The following NTM variants were observed in gnomAD, a reference collection of about 807,000 sequenced individuals.
NTM encodes neurotrimin.
NTM carries 13 observed loss-of-function variants against 42.1 expected under a neutral mutation model. The observed-to-expected ratio is 0.31, with a 90% CI of 0.20 to 0.49. The LOEUF is 0.49. NTM is among the 20% of genes least tolerant of loss of function. The pLI, the probability that NTM is intolerant of heterozygous loss-of-function variation, is 0.99. For synonymous variants in NTM, 187 were observed against 179.2 expected, an observed-to-expected ratio of 1.04 and a Z score of -0.35; for missense variants, 373 against 452.8, an observed-to-expected ratio of 0.82 and a Z score of 1.60.
intron 1 of NTM, among the ~76,000 whole-genome samples, chr11:131,638,710 G>A (rs911608256): frequency 2.6e-5 from 4 of 151,674 alleles, no homozygotes; most frequent in East Asian, 1.9e-4. Context: ...TAAGGATAAC[G>A]ATAGCATTCT....
chr11:132,197,001 A>G (rs61906022), intron 3 of NTM, among the ~76,000 whole-genome samples: 1,637 of 152,344 alleles, frequency 0.011, 18 homozygotes, highest in South Asian at 0.025. Flanking sequence ...AGTGAAGCTC[A>G]AAGGGAGGTT....
intron 2 of NTM, among the ~76,000 whole-genome samples, chr11:131,914,273 CCCTT>C (rs1053015018): frequency 5.9e-5 from 9 of 151,902 alleles, no homozygotes; most frequent in Non-Finnish European, 8.8e-5. Context: ...GGACAGAGGA[CCCTT>C]CCTTCCTTCC....
intron 1 of NTM, among the ~76,000 whole-genome samples, chr11:131,408,622 G>T (rs1946065303): frequency 6.6e-6 from 1 of 152,114 alleles, no homozygotes; most frequent in African/African-American, 2.4e-5. Flanking sequence ...CAACCAGTTT[G>T]TTTTCACCTT....
At chr11:131,614,305 T>C (rs2061714908) in intron 1 of NTM, among the ~76,000 whole-genome samples, 1 of 152,224 alleles carries the variant, frequency 6.6e-6, no homozygotes, top group Non-Finnish European at 1.5e-5. Flanking sequence ...AAATGCCCCA[T>C]GCCCAGAAGG....
chr11:132,265,888 C>A (rs2093154296), intron 4 of NTM, among the ~76,000 whole-genome samples: 1 of 152,204 alleles, frequency 6.6e-6, no homozygotes, highest in Admixed American at 6.5e-5. Flanking sequence ...GGAAACACAT[C>A]CGCAGGTGGC....
chr11:131,496,838 A>C (rs1292881029), intron 1 of NTM, among the ~76,000 whole-genome samples: 2 of 152,198 alleles, frequency 1.3e-5, no homozygotes, highest in African/African-American at 4.8e-5. Flanking sequence ...AGCATGGATA[A>C]TACGAAAAAT....
chr11:131,373,204 T>C (rs1167346790), intron 1 of NTM, among the ~76,000 whole-genome samples: 1 of 152,200 alleles, frequency 6.6e-6, no homozygotes, highest in Admixed American at 6.5e-5. Context: ...CTATCTCTTA[T>C]CAAACTTGCA....
At chr11:131,561,239 G>C (rs2056194589) in intron 1 of NTM, among the ~76,000 whole-genome samples, 1 of 152,198 alleles carries the variant, frequency 6.6e-6, no homozygotes, top group Non-Finnish European at 1.5e-5. Flanking sequence ...GTTCCAGCAG[G>C]CTTTCCCTGA....
chr11:131,644,719 T>C (rs1397161017), intron 1 of NTM, among the ~76,000 whole-genome samples: 1 of 152,236 alleles, frequency 6.6e-6, no homozygotes, highest in Admixed American at 6.5e-5. Flanking sequence ...AAATATTTTA[T>C]CAACATGATG....
At chr11:132,219,196 G>A (rs2084572276) in intron 4 of NTM, among the ~76,000 whole-genome samples, 1 of 152,110 alleles carries the variant, frequency 6.6e-6, no homozygotes, top group Non-Finnish European at 1.5e-5. Context: ...CCATACTCAA[G>A]TGCTACCAGT....
At chr11:132,013,077 G>T (rs751372394) in intron 2 of NTM, among the ~76,000 whole-genome samples, 1 of 152,092 alleles carries the variant, frequency 6.6e-6, no homozygotes, top group African/African-American at 2.4e-5. Context: ...GTTACTTGAA[G>T]ATAACCAATT....
At chr11:131,851,039 C>CCA (rs1354568584) in intron 1 of NTM, among the ~76,000 whole-genome samples, 1 of 152,144 alleles carries the variant, frequency 6.6e-6, no homozygotes, top group Non-Finnish European at 1.5e-5. Flanking sequence ...TCCTGAGTGT[C>CCA]CACACCAAAG....
intron 1 of NTM, among the ~76,000 whole-genome samples, chr11:131,638,787 G>A (rs1049114328): frequency 1.3e-5 from 2 of 151,548 alleles, no homozygotes; most frequent in Admixed American, 6.6e-5. Flanking sequence ...AATCTGTTTG[G>A]TCTCAGGTAT....
chr11:131,592,957 T>C lies in NTM; in HGVS notation c.82+222069T>C, dbSNP rs553627934. ...GAATTGCAGTTCTCCTTGTTTACAA[T>C]GCATTGTAATTGCAGACACAGGCTA... On this transcript the variant is annotated intron_variant, in intron 1 of 8. Coordinates refer to ENST00000683400, the MANE Select transcript of NTM (RefSeq NM_001352005.2). 4.6e-5 allele frequency among the ~76,000 whole-genome samples: 7 copies of C among 152,304 alleles called. No individual in the cohort carries two copies. The South Asian group carries it at 1.2e-3, about 27-fold the overall frequency.
intron 2 of NTM, among the ~76,000 whole-genome samples, chr11:131,938,719 G>A (rs1358365431): frequency 6.6e-6 from 1 of 152,116 alleles, no homozygotes; most frequent in African/African-American, 2.4e-5. Flanking sequence ...TGGTGGTGGT[G>A]GTGTGGAAGG....
intron 1 of NTM, among the ~76,000 whole-genome samples, chr11:131,461,692 G>T (rs1043646515): frequency 1.3e-5 from 1 of 79,934 alleles, no homozygotes; most frequent in African/African-American, 9.9e-5. Flanking sequence ...CAGATCTTAA[G>T]TATTTTTACC....
At chr11:131,853,125 C>T (rs2045755660) in intron 1 of NTM, among the ~76,000 whole-genome samples, 1 of 151,780 alleles carries the variant, frequency 6.6e-6, no homozygotes, top group Non-Finnish European at 1.5e-5. Flanking sequence ...TACTGTATGC[C>T]CAGAACTATA....
At chr11:131,711,030 G>C (rs774513037) in intron 1 of NTM, among the ~76,000 whole-genome samples, 4 of 152,064 alleles carry the variant, frequency 2.6e-5, no homozygotes, top group Non-Finnish European at 5.9e-5. Flanking sequence ...AAAAACCCTA[G>C]AAGAAAACCT....
intron 1 of NTM, among the ~76,000 whole-genome samples, chr11:131,664,334 T>C (rs2068611577): frequency 6.6e-6 from 1 of 152,248 alleles, no homozygotes; most frequent in Non-Finnish European, 1.5e-5. Flanking sequence ...ATTTAATAAT[T>C]ATCATTACTT....
Sources: allele counts gnomAD v4.1 joint callset (sites outside exome capture counted in the v4.1 genomes callset), GRCh38; gene constraint gnomAD v4.1.1; transcripts MANE v1.5; gene names NCBI Gene and HGNC (gene_info 2026-07-23, HGNC 2026-07-21).